CTNND2: variants seen among roughly 807,000 people sequenced by gnomAD.
The protein encoded by CTNND2 is catenin delta-2.
CTNND2 carries 22 observed loss-of-function variants against 144.4 expected under a neutral mutation model. That is an observed-to-expected ratio of 0.15 (90% CI 0.11 to 0.22). The LOEUF is 0.22. CTNND2 is among the 10% of genes least tolerant of loss of function. CTNND2 has a pLI of 1.00. For synonymous variants in CTNND2, 751 were observed against 695.6 expected (o/e 1.08, Z -1.25); for missense variants, 1,353 against 1,618.8 (o/e 0.84, Z 2.82).
chr5:11,448,125 C>T (rs930095551), intron 3 of CTNND2, among the ~76,000 whole-genome samples: 7 of 152,086 alleles, frequency 4.6e-5, no homozygotes, highest in African/African-American at 1.7e-4. Flanking sequence ...GGTTTTTCCC[C>T]AACTGCACAC....
At chr5:11,304,216 G>A (rs2150038261) in intron 9 of CTNND2, among the ~76,000 whole-genome samples, 1 of 152,188 alleles carries the variant, frequency 6.6e-6, no homozygotes, top group African/African-American at 2.4e-5. Context: ...TGGTTGTTGA[G>A]GATTAATACT....
At chr5:11,346,846 G>T (rs941121331) in intron 8 of CTNND2, among the ~76,000 whole-genome samples, 1 of 152,188 alleles carries the variant, frequency 6.6e-6, no homozygotes, top group African/African-American at 2.4e-5. Flanking sequence ...AGGTATGGGG[G>T]GAATGCATCT....
At chr5:11,330,483 CAAAAAAAAA>C (rs10627159) in intron 9 of CTNND2, among the ~76,000 whole-genome samples, 4 of 43,456 alleles carry the variant, frequency 9.2e-5, no homozygotes, top group South Asian at 2.3e-3. Flanking sequence ...GACTCCGTCT[CAAAAAAAAA>C]AAAAAAAAAA....
intron 1 of CTNND2, among the ~76,000 whole-genome samples, chr5:11,884,006 CACA>C (rs1391990731): frequency 8.5e-5 from 13 of 152,124 alleles, no homozygotes; most frequent in African/African-American, 3.1e-4. Context: ...TCATATCCTT[CACA>C]CACTTTTTGA....
At chr5:11,510,841 G>A (rs138719819) in intron 3 of CTNND2, among the ~76,000 whole-genome samples, 184 of 151,962 alleles carry the variant, frequency 1.2e-3, no homozygotes, top group African/African-American at 4.3e-3. Context: ...TGAGGCACAA[G>A]TATTGCTTGA....
At chr5:11,124,369 T>A (rs531134294) in intron 12 of CTNND2, among the ~76,000 whole-genome samples, 1 of 152,378 alleles carries the variant, frequency 6.6e-6, no homozygotes, top group African/African-American at 2.4e-5. Context: ...ACATCCTCGA[T>A]GGCTTGAATT....
chr5:11,053,334 G>T (rs1278605581), intron 16 of CTNND2, among the ~76,000 whole-genome samples: 3 of 152,196 alleles, frequency 2.0e-5, no homozygotes, highest in Non-Finnish European at 4.4e-5. Flanking sequence ...ATAGGAAGAG[G>T]TTGAGCTCTT....
At chr5:11,269,788 C>T (rs775025783) in intron 9 of CTNND2, among the ~76,000 whole-genome samples, 2 of 152,120 alleles carry the variant, frequency 1.3e-5, no homozygotes, top group Non-Finnish European at 2.9e-5. Flanking sequence ...ATCCCTCCCC[C>T]CTCAGAATAT....
intron 3 of CTNND2, among the ~76,000 whole-genome samples, chr5:11,497,966 C>T (rs573943876): frequency 6.6e-6 from 1 of 152,168 alleles, no homozygotes; most frequent in East Asian, 1.9e-4. Flanking sequence ...GCTCCTTTAC[C>T]CTGGGCCCAG....
chr5:11,773,000 AT>A (rs1220182847), intron 1 of CTNND2, among the ~76,000 whole-genome samples: 2 of 152,254 alleles, frequency 1.3e-5, no homozygotes, highest in Non-Finnish European at 2.9e-5. Flanking sequence ...ATCATCATCC[AT>A]TATCAGACTG....
intron 11 of CTNND2, among the ~76,000 whole-genome samples, chr5:11,189,088 T>C (rs1337633436): frequency 1.3e-5 from 2 of 152,178 alleles, no homozygotes; most frequent in African/African-American, 4.8e-5. Context: ...GTTCTGTTAA[T>C]AGATTATGAA....
At chr5:11,004,360 G>A (rs778660315) in intron 18 of CTNND2, among the ~76,000 whole-genome samples, 1 of 152,212 alleles carries the variant, frequency 6.6e-6, no homozygotes, top group Non-Finnish European at 1.5e-5. Flanking sequence ...TATGTCATTT[G>A]AGCATTTGAA....
At chr5:11,424,456 C>T (rs769092580) in intron 3 of CTNND2, among the ~76,000 whole-genome samples, 7 of 146,104 alleles carry the variant, frequency 4.8e-5, no homozygotes, top group Admixed American at 6.7e-5. Context: ...GAACTAAACA[C>T]GCATACACAC....
chr5:11,162,736 C>T (rs898563087), intron 11 of CTNND2, among the ~76,000 whole-genome samples: 1 of 151,892 alleles, frequency 6.6e-6, no homozygotes, highest in Non-Finnish European at 1.5e-5. Flanking sequence ...ATGGGGTCGT[C>T]AAAATTTTGA....
chr5:11,561,958 A>G (rs550442663), intron 3 of CTNND2, among the ~76,000 whole-genome samples: 92 of 152,202 alleles, frequency 6.0e-4, no homozygotes, highest in Non-Finnish European at 9.9e-4. Flanking sequence ...AGGCAGGAGA[A>G]TCCCTTGAAC....
At chr5:11,422,931 A>G (rs1344901611) in intron 3 of CTNND2, among the ~76,000 whole-genome samples, 1 of 152,210 alleles carries the variant, frequency 6.6e-6, no homozygotes, top group Non-Finnish European at 1.5e-5. Context: ...AGCTCCTTCT[A>G]TAGTATTCCC....
intron 11 of CTNND2, among the ~76,000 whole-genome samples, chr5:11,193,882 T>G (rs1736592186): frequency 6.6e-6 from 1 of 152,214 alleles, no homozygotes; most frequent in Non-Finnish European, 1.5e-5. Flanking sequence ...CAAGGTCACT[T>G]GGCTGACCTT....
chr5:11,876,547 T>C (rs1735584146), intron 1 of CTNND2, among the ~76,000 whole-genome samples: 2 of 152,180 alleles, frequency 1.3e-5, no homozygotes, highest in Non-Finnish European at 2.9e-5. Flanking sequence ...CACATATAAT[T>C]AAAAAGCACA....
intron 1 of CTNND2, among the ~76,000 whole-genome samples, chr5:11,887,175 G>A (rs1467237717): frequency 6.6e-6 from 1 of 151,618 alleles, no homozygotes; most frequent in Non-Finnish European, 1.5e-5. Flanking sequence ...AGAAGAGATG[G>A]GGTTTAACCA....
Sources: gnomAD v4.1 joint callset for allele counts (sites outside exome capture counted in the v4.1 genomes callset) on GRCh38, gnomAD v4.1.1 for gene constraint, MANE v1.5 for transcripts, NCBI Gene and HGNC (gene_info 2026-07-23, HGNC 2026-07-21) for gene names.